The following GPC3 variants were observed in gnomAD, a reference collection of about 807,000 sequenced individuals.
GPC3 encodes glypican 3.
Under a neutral mutation model 34.4 loss-of-function variants are expected in GPC3, and 3 were observed. That is an observed-to-expected ratio of 0.09 (90% CI 0.04 to 0.23). The LOEUF is 0.23. Ranked by LOEUF, GPC3 falls within the 10% of genes least tolerant of loss-of-function variation. The pLI is 1.00. For synonymous variants in GPC3, 177 were observed against 174.0 expected, an observed-to-expected ratio of 1.02 and a Z score of -0.13; for missense variants, 351 against 445.6, an observed-to-expected ratio of 0.79 and a Z score of 1.91.
At chrX:133,668,695 C>A (rs1384046874) in intron 5 of GPC3, among the ~76,000 whole-genome samples, 1 of 111,198 alleles carries the variant, frequency 9.0e-6, no homozygotes, top group Non-Finnish European at 1.9e-5. Context: ...ACCCTATTGG[C>A]AGCCTGTTTT....
At chrX:133,956,346 C>T (rs1192808529) in intron 1 of GPC3, among the ~76,000 whole-genome samples, 1 of 112,332 alleles carries the variant, frequency 8.9e-6, no homozygotes, top group Non-Finnish European at 1.9e-5. Context: ...TTCTAGCTCA[C>T]TGTGTTCTTA....
intron 3 of GPC3, among the ~76,000 whole-genome samples, chrX:133,719,315 A>G (rs1354310098): frequency 8.9e-6 from 1 of 112,443 alleles, no homozygotes; most frequent in Non-Finnish European, 1.9e-5. Flanking sequence ...AATTAAACAT[A>G]CATACTCCTA....
rs1165193952 is a variant in GPC3 at position 133,863,648 on chromosome X, C to CTTTTTT, written c.337+89396_337+89401dup. Among the ~76,000 whole-genome samples, 28 of 72,883 alleles carry CTTTTTT rather than the reference C, an allele frequency of 3.8e-4. 3 individuals carry two copies. The highest frequency in any genetic ancestry group is 1.8e-3 in the African/African-American group (22 of 11,975). 63.3% of individuals were successfully genotyped at this position (72,883 alleles called of 115,157 possible). On this transcript the variant is annotated intron_variant, in intron 2 of 7. Transcript: ENST00000370818. ...ACCCCTAGTTAACATAAAAATATTCCTTTTTTTTTTTTTTTTTTGAGACGG... is the reference window on the plus strand; with the variant it reads ...ACCCCTAGTTAACATAAAAATATTCCTTTTTTTTTTTTTTTTTTTTTTTTGAGACGG...
At chrX:133,698,761 C>T (rs1445421877) in intron 4 of GPC3, among the ~76,000 whole-genome samples, 1 of 111,846 alleles carries the variant, frequency 8.9e-6, no homozygotes, top group African/African-American at 3.2e-5. Flanking sequence ...CAAAAACAAA[C>T]CCTCTTAATA....
At chrX:133,551,439 C>T (rs1013115115) in intron 7 of GPC3, among the ~76,000 whole-genome samples, 2 of 111,027 alleles carry the variant, frequency 1.8e-5, no homozygotes, top group African/African-American at 6.6e-5. Flanking sequence ...TTTCATTCCC[C>T]CTCCTTTCCA....
intron 7 of GPC3, among the ~76,000 whole-genome samples, chrX:133,538,861 G>A (rs1391749034): frequency 1.0e-5 from 1 of 97,778 alleles, no homozygotes; most frequent in Non-Finnish European, 2.0e-5. Context: ...TCAGGCATGT[G>A]CCACCCTGCC....
chrX:133,758,996 T>G (rs56322027), intron 2 of GPC3, among the ~76,000 whole-genome samples: 1 of 111,336 alleles, frequency 9.0e-6, no homozygotes, highest in Non-Finnish European at 1.9e-5. Context: ...TAGGCAAGAA[T>G]GTCCCTATTT....
At chrX:133,930,588 T>C (rs1264378) in intron 2 of GPC3, among the ~76,000 whole-genome samples, 1,882 of 112,685 alleles carry the variant, frequency 0.017, 43 homozygotes, top group African/African-American at 0.056. Context: ...GCCTGAGAAC[T>C]GATCATTTTC....
chrX:133,559,942 C>T (rs1460693614), intron 7 of GPC3, among the ~76,000 whole-genome samples: 1 of 111,287 alleles, frequency 9.0e-6, no homozygotes, highest in Non-Finnish European at 1.9e-5. Context: ...TCTCTCATCT[C>T]TCTTTTTCTC....
chrX:133,660,428 T>A (rs756729561), intron 6 of GPC3, among the ~76,000 whole-genome samples: 27 of 112,116 alleles, frequency 2.4e-4, no homozygotes, highest in African/African-American at 7.8e-4. Context: ...GTGGCATTTT[T>A]ATTGTGGCCA....
chrX:133,706,435 A>G (rs747694617), intron 3 of GPC3, among the ~76,000 whole-genome samples: 2 of 112,051 alleles, frequency 1.8e-5, no homozygotes, highest in African/African-American at 6.5e-5. Flanking sequence ...ATGGGAGACA[A>G]TATTTGCAAA....
chrX:133,585,844 A>G (rs939953993), intron 7 of GPC3, among the ~76,000 whole-genome samples: 1 of 112,359 alleles, frequency 8.9e-6, no homozygotes, highest in Non-Finnish European at 1.9e-5. Flanking sequence ...AGAGAAAATC[A>G]ATTGCACCAC....
intron 2 of GPC3, among the ~76,000 whole-genome samples, chrX:133,878,103 C>T (rs752134082): frequency 9.0e-6 from 1 of 111,414 alleles, no homozygotes; most frequent in Non-Finnish European, 1.9e-5. Flanking sequence ...TATTTGTAAA[C>T]GCTGAGATAA....
intron 2 of GPC3, among the ~76,000 whole-genome samples, chrX:133,890,808 C>T (rs1235261093): frequency 1.9e-5 from 2 of 102,641 alleles, no homozygotes; most frequent in African/African-American, 3.6e-5. Context: ...GGCAGTGAGC[C>T]GAGATCATCC....
intron 7 of GPC3, among the ~76,000 whole-genome samples, chrX:133,537,206 A>G (rs2069301503): frequency 8.9e-6 from 1 of 112,149 alleles, no homozygotes; most frequent in Non-Finnish European, 1.9e-5. Flanking sequence ...TTGCTTTTCC[A>G]GATTTAGAGA....
chrX:133,624,587 A>G (rs1457333991), intron 6 of GPC3, among the ~76,000 whole-genome samples: 1 of 111,728 alleles, frequency 9.0e-6, no homozygotes, highest in South Asian at 3.8e-4. Flanking sequence ...CTGGACACAT[A>G]CACCCTCCCA....
chrX:133,960,147 T>C (rs1318772918), intron 1 of GPC3, among the ~76,000 whole-genome samples: 4 of 110,016 alleles, frequency 3.6e-5, no homozygotes, highest in Admixed American at 2.0e-4. Context: ...TTGGAAACAG[T>C]GGAATAACGG....
In GPC3 at chrX:133,912,482, T is replaced by C. The variant is rs1423318232; in HGVS notation, c.337+40568A>G. The stretch of plus-strand genomic sequence containing the variant: ...TTTCAAGATTTGGGGTTGCAATGAA[T>C]TGGGCTTGGGAGATTTTGAAGGAAT... On this transcript the variant is annotated intron_variant, in intron 2 of 7. Transcript: ENST00000370818. Among the ~76,000 whole-genome samples, 4 of 109,886 alleles carry C rather than the reference T, an allele frequency of 3.6e-5. No homozygotes were observed. In the East Asian group the frequency reaches 1.1e-3, roughly 31 times the overall value.
chrX:133,566,825 T>C (rs2069586390), intron 7 of GPC3, among the ~76,000 whole-genome samples: 1 of 111,835 alleles, frequency 8.9e-6, no homozygotes, highest in Non-Finnish European at 1.9e-5. Flanking sequence ...GGCCCTGTCA[T>C]TTAGCTCAAG....
Sources: gnomAD v4.1 joint callset for allele counts (sites outside exome capture counted in the v4.1 genomes callset) on GRCh38, gnomAD v4.1.1 for gene constraint, MANE v1.5 for transcripts, NCBI Gene and HGNC (gene_info 2026-07-23, HGNC 2026-07-21) for gene names.